RIMS2: variants seen among roughly 807,000 people sequenced by gnomAD.
The protein encoded by RIMS2 is regulating synaptic membrane exocytosis protein 2.
In RIMS2, 59 loss-of-function variants were observed where a neutral mutation model predicts 174.4. That is an observed-to-expected ratio of 0.34 (90% CI 0.27 to 0.42). The LOEUF (loss-of-function observed/expected upper bound fraction) is 0.42. Ranked by LOEUF, RIMS2 falls within the 10% of genes least tolerant of loss-of-function variation. The probability of loss-of-function intolerance (pLI) is 1.00; values close to 1 mark genes in which losing one functional copy is unlikely to be tolerated. For synonymous variants in RIMS2, 606 were observed against 572.5 expected (o/e 1.06, Z -0.84); for missense variants, 1,620 against 1,666.3 (o/e 0.97, Z 0.48).
At chr8:103,954,633 G>A (rs2086546402) in intron 14 of RIMS2, among the ~76,000 whole-genome samples, 1 of 152,080 alleles carries the variant, frequency 6.6e-6, no homozygotes, top group Non-Finnish European at 1.5e-5. Context: ...AGCACTAAAT[G>A]CCCACAAGAG....
intron 19 of RIMS2, among the ~76,000 whole-genome samples, chr8:104,038,478 T>C (rs767295360): frequency 1.3e-5 from 2 of 151,920 alleles, no homozygotes; most frequent in Non-Finnish European, 2.9e-5. Flanking sequence ...AAGAGTCTGG[T>C]AACTGGTTAT....
At chr8:104,185,837 TA>T (rs2098965163) in intron 19 of RIMS2, among the ~76,000 whole-genome samples, 1 of 151,590 alleles carries the variant, frequency 6.6e-6, no homozygotes, top group Non-Finnish European at 1.5e-5. Context: ...CTGAAATAAC[TA>T]AAAATCGAAT....
chr8:104,010,686 A>T (rs2095731866), intron 17 of RIMS2, among the ~76,000 whole-genome samples: 1 of 152,168 alleles, frequency 6.6e-6, no homozygotes, highest in Non-Finnish European at 1.5e-5. Context: ...CTATTCAAAA[A>T]ATGTAACAGT....
chr8:103,931,376 C>T (rs1450860880), exon 12 of RIMS2: 1 of 1,597,028 alleles, frequency 6.3e-7, no homozygotes. Flanking sequence ...TTAAAATTTA[C>T]TTTCTTCCAG....
chr8:104,226,449 G>C (rs184948870), intron 19 of RIMS2, among the ~76,000 whole-genome samples: 1 of 152,044 alleles, frequency 6.6e-6, no homozygotes, highest in African/African-American at 2.4e-5. Context: ...TATTCTTTTC[G>C]TTCATCCACT....
At chr8:103,985,473 C>CAAAAAAAAAAA (rs58750334) in intron 16 of RIMS2, among the ~76,000 whole-genome samples, 1 of 36,162 alleles carries the variant, frequency 2.8e-5, no homozygotes, top group African/African-American at 1.5e-4. Context: ...GACTCTGTCT[C>CAAAAAAAAAAA]AAAAAAAAAA....
intron 15 of RIMS2, among the ~76,000 whole-genome samples, chr8:103,962,581 A>G (rs2090491110): frequency 6.6e-6 from 1 of 152,094 alleles, no homozygotes; most frequent in Non-Finnish European, 1.5e-5. Context: ...TGAGAAATAG[A>G]TTTTTCGTAA....
At chr8:103,995,268 A>G (rs890225055) in intron 17 of RIMS2, among the ~76,000 whole-genome samples, 3 of 152,248 alleles carry the variant, frequency 2.0e-5, no homozygotes. Flanking sequence ...ACAAAGATTT[A>G]AAACAGACAT....
chr8:104,229,729 T>A (rs1027846427), intron 19 of RIMS2, among the ~76,000 whole-genome samples: 2 of 152,150 alleles, frequency 1.3e-5, no homozygotes, highest in Non-Finnish European at 2.9e-5. Flanking sequence ...CTGTCACAGT[T>A]CCACCCACAC....
At chr8:103,839,488 A>G (rs3104251) in intron 3 of RIMS2, among the ~76,000 whole-genome samples, 115,938 of 152,012 alleles carry the variant, frequency 0.76, 44,323 homozygotes, top group East Asian at 0.88. Context: ...TACTTCTAGG[A>G]TATGGTTTTC....
intron 16 of RIMS2, among the ~76,000 whole-genome samples, chr8:103,979,744 G>A (rs2093735817): frequency 6.6e-6 from 1 of 152,194 alleles, no homozygotes; most frequent in Non-Finnish European, 1.5e-5. Context: ...CCCAGCAACA[G>A]TTGTTCAACA....
At chr8:103,932,363 C>A (rs188206049) in intron 12 of RIMS2, among the ~76,000 whole-genome samples, 1 of 152,246 alleles carries the variant, frequency 6.6e-6, no homozygotes, top group Admixed American at 6.5e-5. Flanking sequence ...AAAGAATAGA[C>A]AATGAACAAA....
rs937346279 is a variant in RIMS2 at position 103,775,894 on chromosome 8, A to G, written c.698+9357A>G. Among the ~76,000 whole-genome samples, 5 of 152,266 alleles carry G rather than the reference A, an allele frequency of 3.3e-5. 1 individual carries two copies. The highest frequency in any genetic ancestry group is 7.2e-5 in the African/African-American group (3 of 41,586). On this transcript the variant is annotated intron_variant, in intron 3 of 23. Coordinates refer to ENST00000504942, the Ensembl canonical transcript of RIMS2. ...TAGGTGAAAAAAAGAATCTATTTCT[A>G]TTTTCAACTGAATTAAACTTGAACC...
chr8:103,645,158 G>A (rs1010505511), intron 1 of RIMS2, among the ~76,000 whole-genome samples: 1 of 151,918 alleles, frequency 6.6e-6, no homozygotes, highest in Non-Finnish European at 1.5e-5. Context: ...TTTCTAAATA[G>A]AATTCAGTGT....
chr8:103,786,707 G>T (rs1361855350), intron 3 of RIMS2, among the ~76,000 whole-genome samples: 1 of 152,086 alleles, frequency 6.6e-6, no homozygotes, highest in African/African-American at 2.4e-5. Context: ...TGTCAGTTTT[G>T]GAATAGCTGT....
intron 3 of RIMS2, among the ~76,000 whole-genome samples, chr8:103,866,868 T>A (rs1188316198): frequency 6.6e-6 from 1 of 152,026 alleles, no homozygotes; most frequent in African/African-American, 2.4e-5. Context: ...TTTTATTTTA[T>A]TTTATTTTTT....
At chr8:104,152,655 A>G (rs940820541) in intron 19 of RIMS2, among the ~76,000 whole-genome samples, 2 of 152,116 alleles carry the variant, frequency 1.3e-5, no homozygotes, top group Non-Finnish European at 2.9e-5. Context: ...ATTATCTACA[A>G]TAATGAACTA....
At chr8:104,158,268 G>A (rs2098737720) in intron 19 of RIMS2, among the ~76,000 whole-genome samples, 1 of 152,096 alleles carries the variant, frequency 6.6e-6, no homozygotes, top group Non-Finnish European at 1.5e-5. Flanking sequence ...TGGTGTATAT[G>A]TGCCACATTT....
intron 22 of RIMS2, among the ~76,000 whole-genome samples, chr8:104,250,709 A>G (rs2099356318): frequency 6.6e-6 from 1 of 152,208 alleles, no homozygotes. Context: ...AAGTATTGAT[A>G]AATTAAAGAC....
Sources: allele counts gnomAD v4.1 joint callset (sites outside exome capture counted in the v4.1 genomes callset), GRCh38; gene constraint gnomAD v4.1.1; transcripts MANE v1.5; gene names NCBI Gene and HGNC (gene_info 2026-07-23, HGNC 2026-07-21).